CDH6: variants seen among roughly 807,000 people sequenced by gnomAD.
The protein encoded by CDH6 is cadherin 6.
Under a neutral mutation model 78.0 loss-of-function variants are expected in CDH6, and 31 were observed. The observed-to-expected ratio is 0.40, with a 90% confidence interval of 0.30 to 0.54. CDH6 has a LOEUF of 0.54. Among genes scored for constraint, CDH6 ranks in the 20% least tolerant of loss-of-function variants. The pLI is 0.56. For missense variants in CDH6, 724 were observed against 975.9 expected, an observed-to-expected ratio of 0.74 and a Z score of 3.44; for synonymous variants, 376 against 368.8, an observed-to-expected ratio of 1.02 and a Z score of -0.23.
chr5:31,222,845 T>G (rs1208550922), intron 1 of CDH6, among the ~76,000 whole-genome samples: 3 of 152,188 alleles, frequency 2.0e-5, no homozygotes, highest in Non-Finnish European at 4.4e-5. Context: ...GGTCATCTGC[T>G]GTTTTCATTA....
Position 31,328,415 on chromosome 5 carries a change from G to A in CDH6, c.*5107G>A. 2 of 203,644 alleles carry A rather than the reference G, an allele frequency of 9.8e-6. No homozygotes were observed. The highest frequency in any genetic ancestry group is 1.6e-3 in the Middle Eastern group (1 of 616). 12.6% of individuals were successfully genotyped at this position (203,644 alleles called of 1,614,324 possible). A position where few individuals can be genotyped will look rare whatever the true frequency, so the allele number is the denominator to read the frequency against. ...TTTAGTGTTTATTAAAGAATCAAAT[G>A]TATAGAATTACCAGGCATTCGTGGG... On this transcript the variant is annotated 3_prime_UTR_variant, in exon 12 of 12. Coordinates refer to ENST00000265071, the MANE Select transcript of CDH6 (RefSeq NM_004932.4).
chr5:31,222,493 T>A (rs772055798), intron 1 of CDH6, among the ~76,000 whole-genome samples: 6 of 152,202 alleles, frequency 3.9e-5, no homozygotes, highest in Non-Finnish European at 8.8e-5. Flanking sequence ...TCCAAAGGAA[T>A]ATATTAAATC....
At chr5:31,297,221 T>A in intron 3 of CDH6, 68 bp from the exon 4 acceptor site, 1 of 1,362,250 alleles carries the variant, frequency 7.3e-7, no homozygotes, top group Non-Finnish European at 1.0e-6. Context: ...ATCGTGCTGG[T>A]TTTGGTGTGT....
At chr5:31,229,743 G>A (rs1343584183) in intron 1 of CDH6, among the ~76,000 whole-genome samples, 5 of 152,212 alleles carry the variant, frequency 3.3e-5, no homozygotes, top group Admixed American at 6.5e-5. Context: ...ACATTTCTCA[G>A]TACTTAATGT....
At chr5:31,202,941 C>T (rs567665852) in intron 1 of CDH6, among the ~76,000 whole-genome samples, 1 of 152,004 alleles carries the variant, frequency 6.6e-6, no homozygotes, top group South Asian at 2.1e-4. Context: ...TAATACCAAT[C>T]AAAATGGCTT....
At chr5:31,248,997 G>GTT (rs144390712) in intron 1 of CDH6, among the ~76,000 whole-genome samples, 3 of 151,650 alleles carry the variant, frequency 2.0e-5, no homozygotes, top group African/African-American at 7.3e-5. Flanking sequence ...AATGCAGAGG[G>GTT]TTTTTTTTCC....
At chr5:31,318,340 G>C (rs1175815373) in intron 11 of CDH6, 1 of 332,258 alleles carries the variant, frequency 3.0e-6, no homozygotes, top group Non-Finnish European at 5.5e-6. Context: ...ATGGGAAAGT[G>C]GGAAGAGGAG....
intron 1 of CDH6, among the ~76,000 whole-genome samples, chr5:31,199,685 G>GTATATATA (rs1554035032): frequency 0.024 from 1,951 of 79,726 alleles, 44 homozygotes; most frequent in Admixed American, 0.034. Flanking sequence ...GTGTGTGTGT[G>GTATATATA]TATATATATA....
intron 1 of CDH6, among the ~76,000 whole-genome samples, chr5:31,242,705 G>GT (rs1741638717): frequency 7.5e-6 from 1 of 132,840 alleles, no homozygotes; most frequent in African/African-American, 2.5e-5. Flanking sequence ...TAAGAATGGG[G>GT]GGGGGCGGTT....
chr5:31,302,794 GAGAGAGAAAGAAAGAAAGAA>G (rs1200810303), intron 6 of CDH6, among the ~76,000 whole-genome samples: 53 of 36,386 alleles, frequency 1.5e-3, no homozygotes, highest in African/African-American at 3.0e-3. Flanking sequence ...GAGAGAGAGA[GAGAGAGAAAGAAAGAAAGAA>G]AGAAAGAAAG....
chr5:31,237,594 C>T (rs1159805445), intron 1 of CDH6, among the ~76,000 whole-genome samples: 1 of 152,084 alleles, frequency 6.6e-6, no homozygotes, highest in African/African-American at 2.4e-5. Context: ...AGGTTGACCC[C>T]CAGACAACCT....
intron 1 of CDH6, among the ~76,000 whole-genome samples, chr5:31,219,030 G>A (rs550317948): frequency 2.6e-5 from 4 of 152,126 alleles, no homozygotes; most frequent in South Asian, 4.1e-4. Flanking sequence ...TGAGATCAAC[G>A]CATTTTTAAA....
intron 1 of CDH6, among the ~76,000 whole-genome samples, chr5:31,211,409 AT>A (rs1740701467): frequency 6.6e-6 from 1 of 151,358 alleles, no homozygotes; most frequent in African/African-American, 2.4e-5. Flanking sequence ...AAAAAAAAAA[AT>A]GTTCTTCAAA....
At chr5:31,215,900 C>A (rs960468663) in intron 1 of CDH6, among the ~76,000 whole-genome samples, 10 of 152,106 alleles carry the variant, frequency 6.6e-5, no homozygotes, top group Admixed American at 4.6e-4. Context: ...CACATAGCAA[C>A]CAAGAGACAG....
At chr5:31,231,258 G>A (rs1741303994) in intron 1 of CDH6, among the ~76,000 whole-genome samples, 1 of 152,118 alleles carries the variant, frequency 6.6e-6, no homozygotes, top group Non-Finnish European at 1.5e-5. Context: ...TAGTGGTTTA[G>A]CAATAAGGAG....
At position 31,195,570 on chromosome 5, in the gene CDH6, G is replaced by T. The variant is rs138866614; in HGVS notation, c.-129+1684G>T. ...ATAGTACTTGCACGGCTCTATGCTTGCATTTTAGAGAACCGTAAAACCAGT... is the reference window on the plus strand; with the variant it reads ...ATAGTACTTGCACGGCTCTATGCTTTCATTTTAGAGAACCGTAAAACCAGT... On this transcript the variant is annotated intron_variant, in intron 1 of 11. Coordinates refer to ENST00000265071, the MANE Select transcript of CDH6 (RefSeq NM_004932.4). Among the ~76,000 whole-genome samples, 12 of 152,300 alleles carry T rather than the reference G, an allele frequency of 7.9e-5. No homozygotes were observed. In the East Asian group the frequency reaches 2.1e-3, roughly 27 times the overall value.
In CDH6 at chr5:31,294,406, T is replaced by G. The variant is rs1737521705; in HGVS notation, c.523+150T>G. The G allele has an allele frequency of 1.5e-6, 1 of 648,148 alleles. No homozygotes were observed. Among genetic ancestry groups the G allele is most frequent in the East Asian group, 2.6e-5 (1 of 37,810 alleles). The allele number at this position is 648,148 out of a possible 1,614,324, so 40.1% of individuals were successfully genotyped here. ...TGTCCTTTCTGTAAGTGCATATGTT[T>G]CCTAATATTACTCTAGTCTCATTTT... is the stretch of plus-strand genomic sequence containing the variant. On this transcript the variant is annotated intron_variant, in intron 3 of 11. Coordinates refer to ENST00000265071, the MANE Select transcript of CDH6 (RefSeq NM_004932.4). This position sits in a 1 kb window ranked among gnomAD's most constrained non-coding sequence, Gnocchi z 4.1.
chr5:31,283,467 A>G (rs972051994), intron 2 of CDH6, among the ~76,000 whole-genome samples: 22 of 152,124 alleles, frequency 1.4e-4, no homozygotes, highest in Non-Finnish European at 2.5e-4. Context: ...TTGCCTCATC[A>G]CTTAAGCGGG....
rs1193661224 is a variant in CDH6, at chr5:31,323,757, A to C, written c.*449A>C. ...AGGGCATATCGGCTCACAAAGAGAT[A>C]AACTACATAGGGGTGTTTATTTGTG... On this transcript the variant is annotated 3_prime_UTR_variant, in exon 12 of 12. Coordinates refer to ENST00000265071, the MANE Select transcript of CDH6 (RefSeq NM_004932.4). The C allele has an allele frequency of 4.2e-6, 1 of 239,200 alleles. No individual in the cohort carries two copies. The highest frequency in any genetic ancestry group is 2.2e-5 in the African/African-American group (1 of 45,376). 14.8% of individuals were successfully genotyped at this position (239,200 alleles called of 1,614,324 possible).
Sources: allele counts gnomAD v4.1 joint callset (sites outside exome capture counted in the v4.1 genomes callset), GRCh38; gene constraint gnomAD v4.1.1; non-coding constraint Gnocchi (gnomAD v3.1); transcripts MANE v1.5; gene names NCBI Gene and HGNC (gene_info 2026-07-23, HGNC 2026-07-21).